BTBD7: variants seen among roughly 807,000 people sequenced by gnomAD.
BTBD7 encodes BTB domain containing 7.
BTBD7 carries 38 observed loss-of-function variants against 99.9 expected under a neutral mutation model. The observed-to-expected ratio is 0.38, with a 90% CI of 0.29 to 0.50. BTBD7 has a LOEUF of 0.50. BTBD7 is among the 20% of genes least tolerant of loss of function. The pLI is 0.93. For synonymous variants in BTBD7, 520 were observed against 511.4 expected, an observed-to-expected ratio of 1.02 and a Z score of -0.23; for missense variants, 1,170 against 1,394.6, an observed-to-expected ratio of 0.84 and a Z score of 2.57.
chr14:93,277,410 G>A (rs1470360785), intron 3 of BTBD7, among the ~76,000 whole-genome samples: 1 of 152,124 alleles, frequency 6.6e-6, no homozygotes, highest in Non-Finnish European at 1.5e-5. Flanking sequence ...TGTAATGCAG[G>A]GGGAGCTAAC....
chr14:93,238,520 G>C lies in BTBD7; in HGVS notation c.*3753C>G, dbSNP rs2052185848. 1 of 152,514 alleles carries C rather than the reference G, an allele frequency of 6.6e-6. No homozygotes were observed. The allele number at this position is 152,514 out of a possible 1,614,324, so 9.4% of individuals were successfully genotyped here. A position where few individuals can be genotyped will look rare whatever the true frequency, so the allele number is the denominator to read the frequency against. ...CACTGCTGCTTTGTCACTCCAGAAA[G>C]CTGAAAGTCAACCGAACAATGAAAA... On this transcript the variant is annotated 3_prime_UTR_variant, in exon 11 of 11. Transcript: ENST00000334746.
chr14:93,276,973 C>T (rs2052663581), intron 3 of BTBD7, among the ~76,000 whole-genome samples: 1 of 137,540 alleles, frequency 7.3e-6, no homozygotes, highest in African/African-American at 2.7e-5. Flanking sequence ...ATGATCTCAG[C>T]TCACTGCAAC....
intron 1 of BTBD7, among the ~76,000 whole-genome samples, chr14:93,319,878 A>T (rs969843348): frequency 2.0e-5 from 3 of 152,246 alleles, no homozygotes; most frequent in Non-Finnish European, 1.5e-5. Context: ...GAAATGAGGC[A>T]AGAAAGGAAG....
chr14:93,247,993 A>C (rs2052331627), intron 9 of BTBD7, among the ~76,000 whole-genome samples: 1 of 152,244 alleles, frequency 6.6e-6, no homozygotes, highest in Non-Finnish European at 1.5e-5. Flanking sequence ...GAAGTAGACC[A>C]AACCTCAAAC....
At chr14:93,282,844 C>G (rs2052736943) in intron 3 of BTBD7, among the ~76,000 whole-genome samples, 1 of 152,064 alleles carries the variant, frequency 6.6e-6, no homozygotes. Flanking sequence ...AGGCATCACA[C>G]CTGGCCTCAA....
At chr14:93,258,200 CGTGT>C (rs144474216) in intron 5 of BTBD7, among the ~76,000 whole-genome samples, 11 of 146,944 alleles carry the variant, frequency 7.5e-5, no homozygotes, top group African/African-American at 2.7e-4. Context: ...TTCCTTAAAT[CGTGT>C]GTGTGTGTGT....
intron 3 of BTBD7, among the ~76,000 whole-genome samples, chr14:93,274,729 T>C (rs554165013): frequency 6.6e-6 from 1 of 152,312 alleles, no homozygotes; most frequent in East Asian, 1.9e-4. Context: ...CAAGTCCTTA[T>C]ACGAGGCTCT....
intron 1 of BTBD7, among the ~76,000 whole-genome samples, chr14:93,298,201 T>C (rs932973495): frequency 3.9e-5 from 6 of 152,232 alleles, no homozygotes; most frequent in East Asian, 1.9e-4. Context: ...AAGAATTTAC[T>C]ACTCTTACTT....
At chr14:93,301,504 C>CATAT (rs146779909) in intron 1 of BTBD7, among the ~76,000 whole-genome samples, 23,723 of 149,956 alleles carry the variant, frequency 0.16, 1,990 homozygotes, top group East Asian at 0.3. Context: ...AATATTTTTA[C>CATAT]ATATATATAT....
chr14:93,303,854 G>C (rs906847582), intron 1 of BTBD7, among the ~76,000 whole-genome samples: 1 of 152,202 alleles, frequency 6.6e-6, no homozygotes, highest in African/African-American at 2.4e-5. Flanking sequence ...ACCAGAGGAA[G>C]GCCTGACTCT....
In BTBD7 at chr14:93,294,753, G is replaced by A. The variant is rs774079279; in HGVS notation, c.267C>T (p.Leu89=). ...SADHAKQMRE[L]LSGWDVRDVN... ...CATCTCTAACATCCCACCCAGAGAG[G>A]AGTTCTCGCATCTGCTTGGCATGAT... is the stretch of plus-strand genomic sequence containing the variant. The change falls in exon 3 of 11, where the codon CTC becomes CTT. Residue 89 remains leucine, a synonymous_variant. Coordinates refer to ENST00000334746, the MANE Select transcript of BTBD7 (RefSeq NM_001002860.4). 1.2e-6 allele frequency: 2 copies of A among 1,613,940 alleles called. No homozygotes were observed.
intron 10 of BTBD7, among the ~76,000 whole-genome samples, 188 bp downstream of exon 10, chr14:93,245,637 C>G (rs916541848): frequency 2.0e-5 from 3 of 152,308 alleles, no homozygotes; most frequent in Admixed American, 2.0e-4. Flanking sequence ...TCTCTCTCCT[C>G]CTGTCTTTTC....
intron 3 of BTBD7, among the ~76,000 whole-genome samples, chr14:93,284,844 C>G (rs1354624310): frequency 6.6e-6 from 1 of 151,944 alleles, no homozygotes; most frequent in Non-Finnish European, 1.5e-5. Flanking sequence ...AAATACCCCC[C>G]AGACAAATGA....
intron 1 of BTBD7, among the ~76,000 whole-genome samples, chr14:93,322,549 G>C (rs374911764): frequency 3.2e-4 from 49 of 152,130 alleles, no homozygotes; most frequent in Non-Finnish European, 2.4e-4. Context: ...ATACAGAAGA[G>C]AGATCTTGGC....
chr14:93,283,326 C>T lies in BTBD7; in HGVS notation c.1162+10532G>A, dbSNP rs531701827. Among the ~76,000 whole-genome samples, 13 of 152,292 alleles carry T rather than the reference C, an allele frequency of 8.5e-5. 1 individual carries two copies. Among genetic ancestry groups the T allele is most frequent in the African/African-American group, 2.9e-4 (12 of 41,558 alleles). On this transcript the variant is annotated intron_variant, in intron 3 of 10. Coordinates refer to ENST00000334746, the MANE Select transcript of BTBD7 (RefSeq NM_001002860.4). ...CTTCTGAGCTCAAGCTATCCATCCG[C>T]CATGGCCTCCCAAAGTGTTGGGATT...
intron 4 of BTBD7, among the ~76,000 whole-genome samples, chr14:93,262,993 T>G (rs2052506622): frequency 6.6e-6 from 1 of 152,200 alleles, no homozygotes. Context: ...AAAGCACAGA[T>G]GCTGAGTGTA....
In BTBD7 at chr14:93,248,425, T is replaced by C. The variant is rs765181453; in HGVS notation, c.2121+51A>G. The stretch of plus-strand genomic sequence containing the variant: ...TCGTCAGGATGCCCACAATACTGCC[T>C]GTCTGGTGACTGAGGCTCCCTATTT... On this transcript the variant is annotated intron_variant, in intron 9 of 10. Coordinates refer to ENST00000334746, the MANE Select transcript of BTBD7 (RefSeq NM_001002860.4). 9 of 1,580,660 alleles carry C rather than the reference T, an allele frequency of 5.7e-6. 1 individual carries two copies. The Admixed American group carries it at 1.0e-4, about 18-fold the overall frequency.
chr14:93,266,505 T>A (rs1364396610), intron 3 of BTBD7, among the ~76,000 whole-genome samples: 1 of 146,726 alleles, frequency 6.8e-6, no homozygotes, highest in East Asian at 1.9e-4. Flanking sequence ...GAGAAATAAC[T>A]GATTTATCCG....
Position 93,296,034 on chromosome 14 carries a change from A to G in BTBD7, c.18T>C (p.Ser6=). 3.1e-6 allele frequency: 5 copies of G among 1,614,022 alleles called. No individual in the cohort carries two copies. The highest frequency in any genetic ancestry group is 4.2e-6 in the Non-Finnish European group (5 of 1,179,946). The part of the protein sequence containing the change: MGANA[S]NYPHSCSPRV... ...TCGGGGAACATGAATGAGGATAATT[A>G]GATGCATTAGCACCCATTTTCTTCA... The change falls in exon 2 of 11, where the codon TCT becomes TCC. Residue 6 remains serine, a synonymous_variant. Coordinates refer to ENST00000334746, the MANE Select transcript of BTBD7 (RefSeq NM_001002860.4).
Sources: gnomAD v4.1 joint callset for allele counts (sites outside exome capture counted in the v4.1 genomes callset) on GRCh38, gnomAD v4.1.1 for gene constraint, MANE v1.5 for transcripts, NCBI Gene and HGNC (gene_info 2026-07-23, HGNC 2026-07-21) for gene names.